The following ALK variants were observed in gnomAD, a reference collection of about 807,000 sequenced individuals.
ALK encodes ALK receptor tyrosine kinase, also known as ALK tyrosine kinase receptor.
A neutral mutation model predicts 163.1 loss-of-function variants in ALK; 74 were observed. That is an observed-to-expected ratio of 0.45 (90% CI 0.38 to 0.55). The LOEUF is 0.55. ALK is among the 20% of genes least tolerant of loss of function. ALK has a pLI of 0.00. For synonymous variants in ALK, 960 were observed against 843.2 expected (o/e 1.14, Z -2.40); for missense variants, 2,063 against 2,105.3 (o/e 0.98, Z 0.39).
chr2:29,600,249 G>C (rs1440085571), intron 3 of ALK, among the ~76,000 whole-genome samples: 1 of 152,176 alleles, frequency 6.6e-6, no homozygotes, highest in East Asian at 1.9e-4. Flanking sequence ...GCCTGTGGGA[G>C]AGTAACACCA....
At chr2:29,892,639 T>C (rs1667173710) in intron 1 of ALK, among the ~76,000 whole-genome samples, 1 of 152,154 alleles carries the variant, frequency 6.6e-6, no homozygotes, top group Admixed American at 6.5e-5. Flanking sequence ...GGCTGAGAGC[T>C]GAAGGGATTG....
intron 7 of ALK, 145 bp from the exon 8 acceptor site, chr2:29,318,549 A>T: frequency 1.5e-6 from 1 of 661,844 alleles, no homozygotes; most frequent in South Asian, 1.7e-5. Context: ...TGGAGAAGAA[A>T]GCCCACCTGT....
intron 28 of ALK, 31 bp from the exon 29 acceptor site, chr2:29,193,953 A>C (rs778877019): frequency 1.0e-4 from 160 of 1,604,402 alleles, no homozygotes; most frequent in Non-Finnish European, 1.3e-4. Context: ...AAAACTTTGA[A>C]TCAGAGACAA....
At chr2:29,407,497 G>A (rs922558212) in intron 4 of ALK, among the ~76,000 whole-genome samples, 12 of 152,228 alleles carry the variant, frequency 7.9e-5, no homozygotes, top group African/African-American at 2.2e-4. Context: ...CACACAGCTC[G>A]TAATAGAGGC....
At chr2:29,240,560 GTA>G (rs1172152840) in intron 12 of ALK, among the ~76,000 whole-genome samples, 6 of 152,188 alleles carry the variant, frequency 3.9e-5, no homozygotes, top group Non-Finnish European at 7.3e-5. Flanking sequence ...GGAGAGCAGT[GTA>G]TATGAGCCGA....
chr2:29,373,769 T>C (rs1426862425), intron 5 of ALK, among the ~76,000 whole-genome samples: 1 of 152,240 alleles, frequency 6.6e-6, no homozygotes, highest in African/African-American at 2.4e-5. Flanking sequence ...CTGACTGTTT[T>C]GGATTCCAGT....
intron 5 of ALK, among the ~76,000 whole-genome samples, chr2:29,368,559 C>T (rs1455913428): frequency 6.6e-6 from 1 of 152,132 alleles, no homozygotes; most frequent in African/African-American, 2.4e-5. Context: ...ATCAAATTAC[C>T]AGGTGGTGGG....
intron 4 of ALK, among the ~76,000 whole-genome samples, chr2:29,494,264 C>T (rs1671971614): frequency 6.6e-6 from 1 of 152,232 alleles, no homozygotes; most frequent in Non-Finnish European, 1.5e-5. Flanking sequence ...AGAACAGCTT[C>T]AAGCTTTGAG....
chr2:29,631,481 T>C (rs1443280143), intron 3 of ALK, among the ~76,000 whole-genome samples: 2 of 152,212 alleles, frequency 1.3e-5, no homozygotes, highest in African/African-American at 4.8e-5. Context: ...GGACGGGTTG[T>C]GCATTCCTGC....
intron 2 of ALK, among the ~76,000 whole-genome samples, chr2:29,701,710 G>T (rs765843646): frequency 2.6e-5 from 4 of 152,040 alleles, no homozygotes; most frequent in African/African-American, 9.7e-5. Context: ...AATAACACTC[G>T]CCAAGGACTC....
intron 28 of ALK, among the ~76,000 whole-genome samples, chr2:29,196,391 CAT>C (rs1342091986): frequency 1.3e-5 from 2 of 152,134 alleles, no homozygotes; most frequent in Non-Finnish European, 2.9e-5. Flanking sequence ...AATTACTTCA[CAT>C]GTTGTTATTT....
At chr2:29,419,034 G>T (rs929086161) in intron 4 of ALK, among the ~76,000 whole-genome samples, 1 of 151,274 alleles carries the variant, frequency 6.6e-6, no homozygotes, top group South Asian at 2.1e-4. Flanking sequence ...GGAAGACAAG[G>T]TATTTTATTT....
intron 3 of ALK, among the ~76,000 whole-genome samples, chr2:29,619,620 G>C (rs745773897): frequency 6.6e-6 from 1 of 152,150 alleles, no homozygotes; most frequent in Non-Finnish European, 1.5e-5. Context: ...TGACTTACAC[G>C]GGCTTTGTGG....
chr2:29,221,241 GGTGAGACTTGCCAA>G (rs1558622206), intron 22 of ALK: 1 of 530,610 alleles, frequency 1.9e-6, no homozygotes, highest in Non-Finnish European at 3.8e-6. Context: ...AGAGAGACTG[GGTGAGACTTGCCAA>G]GTGACAGCGT....
intron 22 of ALK, 191 bp from the exon 23 acceptor site, chr2:29,221,026 C>T (rs1407428962): frequency 1.3e-6 from 1 of 748,212 alleles, no homozygotes. Context: ...GTGGGAAGAA[C>T]CACAGCAGGC....
intron 1 of ALK, among the ~76,000 whole-genome samples, chr2:29,743,676 CTT>C (rs1353520256): frequency 6.6e-6 from 1 of 152,180 alleles, no homozygotes; most frequent in Non-Finnish European, 1.5e-5. Context: ...CACACAGCAT[CTT>C]TTAAAGACCA....
intron 1 of ALK, among the ~76,000 whole-genome samples, chr2:29,859,696 T>C (rs940207801): frequency 6.6e-6 from 1 of 152,060 alleles, no homozygotes; most frequent in African/African-American, 2.4e-5. Flanking sequence ...ACATGTGTCA[T>C]AGATTTCCAG....
chr2:29,755,555 T>C (rs1271600010), intron 1 of ALK, among the ~76,000 whole-genome samples: 1 of 152,126 alleles, frequency 6.6e-6, no homozygotes, highest in African/African-American at 2.4e-5. Context: ...TTCCGCTGAG[T>C]AGAAGAAGGC....
intron 1 of ALK, among the ~76,000 whole-genome samples, chr2:29,730,701 T>C (rs1014986616): frequency 4.6e-5 from 7 of 152,190 alleles, no homozygotes; most frequent in African/African-American, 1.4e-4. Flanking sequence ...ATTTATATGA[T>C]CCACTGGAGT....
Sources: allele counts gnomAD v4.1 joint callset (sites outside exome capture counted in the v4.1 genomes callset), GRCh38; gene constraint gnomAD v4.1.1; transcripts MANE v1.5; gene names NCBI Gene and HGNC (gene_info 2026-07-23, HGNC 2026-07-21).